The following SORCS3 variants were observed in gnomAD, a reference collection of about 807,000 sequenced individuals.
SORCS3 encodes VPS10 domain-containing receptor SorCS3.
SORCS3 carries 57 observed loss-of-function variants against 146.3 expected under a neutral mutation model. The observed-to-expected ratio is 0.39, with a 90% CI of 0.31 to 0.49. The LOEUF is 0.49. Among genes scored for constraint, SORCS3 ranks in the 20% least tolerant of loss-of-function variants. SORCS3 has a pLI of 0.92. For synonymous variants in SORCS3, 653 were observed against 618.5 expected (o/e 1.06, Z -0.83); for missense variants, 1,341 against 1,575.5 (o/e 0.85, Z 2.52).
intron 6 of SORCS3, among the ~76,000 whole-genome samples, chr10:105,095,406 A>G (rs1564752536): frequency 6.6e-6 from 1 of 152,104 alleles, no homozygotes; most frequent in Non-Finnish European, 1.5e-5. Context: ...AACATCCTGT[A>G]CCCTGCTTCT....
chr10:105,024,300 CT>C (rs1478592029), intron 4 of SORCS3, among the ~76,000 whole-genome samples: 3 of 151,924 alleles, frequency 2.0e-5, no homozygotes, highest in Non-Finnish European at 4.4e-5. Flanking sequence ...GTGGCACACT[CT>C]TTTTTTTGTT....
Position 105,232,508 on chromosome 10 carries a change from C to T in SORCS3, c.2868+9259C>T, listed in dbSNP as rs182161459. Among the ~76,000 whole-genome samples the T allele has an allele frequency of 1.4e-3, 213 of 151,656 alleles. 1 individual carries two copies. The highest frequency in any genetic ancestry group is 1.7e-3 in the Non-Finnish European group (118 of 67,816). The stretch of plus-strand genomic sequence containing the variant: ...GAACCAGATTTTAAAAATTGATTTT[C>T]TCTATTGATTTCCTATTTTCAGTTT... On this transcript the variant is annotated intron_variant, in intron 20 of 26. Transcript: ENST00000369701.
intron 1 of SORCS3, chr10:104,666,281 A>G (rs1331111012): frequency 6.6e-6 from 1 of 152,118 alleles, no homozygotes; most frequent in Non-Finnish European, 1.5e-5. Context: ...CCTTTATGAC[A>G]TCACTGCTCA....
chr10:104,662,488 A>C (rs188069154), intron 1 of SORCS3, among the ~76,000 whole-genome samples: 52 of 152,350 alleles, frequency 3.4e-4, no homozygotes, highest in Middle Eastern at 6.8e-3. Context: ...ACAGAGCTGC[A>C]AGTCCCACGT....
chr10:104,882,663 C>T (rs2018642989), intron 2 of SORCS3, among the ~76,000 whole-genome samples: 1 of 151,984 alleles, frequency 6.6e-6, no homozygotes, highest in East Asian at 1.9e-4. Context: ...TCCAGATGGC[C>T]ACTCCTATAC....
At chr10:105,046,087 C>A (rs972283660) in intron 5 of SORCS3, among the ~76,000 whole-genome samples, 1 of 151,942 alleles carries the variant, frequency 6.6e-6, no homozygotes, top group Non-Finnish European at 1.5e-5. Flanking sequence ...AAAATGATTT[C>A]TTTGGGAGAG....
At position 105,123,528 on chromosome 10, in the gene SORCS3, TA is replaced by T. The variant is rs376622309; in HGVS notation, c.1213-15864del. Among the ~76,000 whole-genome samples, 120 of 152,170 alleles carry T rather than the reference TA, an allele frequency of 7.9e-4. 2 individuals are homozygous for T. In the East Asian group the frequency reaches 0.015, roughly 20 times the overall value. ...TGGAGATAATGCAGTAAAAAAGAAA[TA>T]AAAATCCAAAAAGTAAATAAGAAAG... On this transcript the variant is annotated intron_variant, in intron 7 of 26. Transcript: ENST00000369701.
At chr10:105,128,713 C>A (rs1187436475) in intron 7 of SORCS3, among the ~76,000 whole-genome samples, 1 of 152,054 alleles carries the variant, frequency 6.6e-6, no homozygotes, top group Non-Finnish European at 1.5e-5. Context: ...TTTCAGTGCC[C>A]CACGCAATCA....
intron 2 of SORCS3, among the ~76,000 whole-genome samples, chr10:104,913,588 G>C (rs928403513): frequency 1.3e-5 from 2 of 152,174 alleles, no homozygotes; most frequent in Non-Finnish European, 2.9e-5. Flanking sequence ...CGTGCTGAGT[G>C]TGCATAATGT....
At chr10:105,235,456 G>A (rs1277721322) in intron 20 of SORCS3, among the ~76,000 whole-genome samples, 1 of 151,022 alleles carries the variant, frequency 6.6e-6, no homozygotes, top group Non-Finnish European at 1.5e-5. Flanking sequence ...GTGTGTGTGT[G>A]TGTGTGTGTG....
At position 105,054,463 on chromosome 10, in the gene SORCS3, C is replaced by G. The variant is rs182229323; in HGVS notation, c.1028+11335C>G. 1.5e-3 allele frequency among the ~76,000 whole-genome samples: 227 copies of G among 151,776 alleles called. 1 individual carries two copies. The highest frequency in any genetic ancestry group is 5.2e-3 in the African/African-American group (215 of 41,438). ...TTCCAACAATATATTTTAGAAATCT[C>G]ATATTAATAGTTAACTATTTCATCT... On this transcript the variant is annotated intron_variant, in intron 5 of 26. Transcript: ENST00000369701.
At chr10:104,831,907 A>G (rs910019213) in intron 1 of SORCS3, among the ~76,000 whole-genome samples, 45 of 152,212 alleles carry the variant, frequency 3.0e-4, no homozygotes, top group African/African-American at 1.0e-3. Context: ...CTGTGCACAC[A>G]CATTCTGAGC....
At chr10:104,881,708 A>C (rs1404435772) in intron 2 of SORCS3, among the ~76,000 whole-genome samples, 3 of 152,168 alleles carry the variant, frequency 2.0e-5, no homozygotes, top group African/African-American at 7.2e-5. Context: ...TGATCTACGG[A>C]TGATTGAAGA....
intron 7 of SORCS3, among the ~76,000 whole-genome samples, chr10:105,119,381 T>C (rs1339255674): frequency 6.6e-6 from 1 of 152,088 alleles, no homozygotes; most frequent in Non-Finnish European, 1.5e-5. Flanking sequence ...GCTAGGATAG[T>C]GAGGAAGGGA....
intron 9 of SORCS3, 26 bp from the exon 10 acceptor site, chr10:105,157,112 T>C: frequency 6.2e-7 from 1 of 1,613,006 alleles, no homozygotes; most frequent in Non-Finnish European, 8.5e-7. Context: ...CCAGCATGGT[T>C]CTCCATCTCT....
chr10:104,721,412 A>T (rs556063661), intron 1 of SORCS3, among the ~76,000 whole-genome samples: 33 of 152,360 alleles, frequency 2.2e-4, no homozygotes, highest in African/African-American at 7.2e-4. Context: ...AGGTAGCCTG[A>T]TGCGACCGGC....
intron 16 of SORCS3, among the ~76,000 whole-genome samples, chr10:105,205,409 A>G (rs1313579181): frequency 6.6e-6 from 1 of 152,160 alleles, no homozygotes; most frequent in Non-Finnish European, 1.5e-5. Flanking sequence ...CTGCATAAAG[A>G]TTGATGTTTC....
chr10:104,666,412 A>G (rs559245562), intron 1 of SORCS3, among the ~76,000 whole-genome samples: 3 of 152,188 alleles, frequency 2.0e-5, no homozygotes, highest in Non-Finnish European at 4.4e-5. Context: ...TGAAATGCCA[A>G]TAAAATAGGA....
chr10:104,702,875 G>T (rs538947123), intron 1 of SORCS3, among the ~76,000 whole-genome samples: 2 of 152,230 alleles, frequency 1.3e-5, no homozygotes, highest in East Asian at 3.9e-4. Context: ...CATTCCACAG[G>T]GTTGTTGTGA....
Sources: allele counts gnomAD v4.1 joint callset (sites outside exome capture counted in the v4.1 genomes callset), GRCh38; gene constraint gnomAD v4.1.1; transcripts MANE v1.5; gene names NCBI Gene and HGNC (gene_info 2026-07-23, HGNC 2026-07-21).